Variants in TRIM66 observed in about 807,000 individuals in gnomAD.
TRIM66 encodes tripartite motif containing 66, also known as tripartite motif-containing protein 66.
In TRIM66, 99 loss-of-function variants were observed where a neutral mutation model predicts 148.2. That is an observed-to-expected ratio of 0.67 (90% confidence interval 0.57 to 0.79). The LOEUF (loss-of-function observed/expected upper bound fraction) is 0.79, where lower values mean the gene tolerates loss of function less well. TRIM66 is among the 30% of genes least tolerant of loss of function. TRIM66 has a pLI of 0.00. For synonymous variants in TRIM66, 616 were observed against 635.9 expected (o/e 0.97, Z 0.47); for missense variants, 1,666 against 1,697.9 (o/e 0.98, Z 0.33).
intron 24 of TRIM66, 87 bp downstream of exon 24, chr11:8,618,663 G>T: frequency 7.8e-7 from 1 of 1,275,114 alleles, no homozygotes. Context: ...TGCACCACCC[G>T]AACAGCTTCA....
intron 1 of TRIM66, among the ~76,000 whole-genome samples, chr11:8,681,134 AT>A (rs72232543): frequency 0.025 from 3,526 of 141,378 alleles, 74 homozygotes; most frequent in African/African-American, 0.054. Context: ...GAATTTTGGA[AT>A]TTTTTTTTTT....
chr11:8,640,442 CAGGGCCAGG>C lies in TRIM66; in HGVS notation c.1924_1932del (p.Pro642_Pro644del), dbSNP rs1437313264. 1.3e-6 allele frequency: 2 copies of C among 1,550,632 alleles called. No individual in the cohort carries two copies. The highest frequency in any genetic ancestry group is 4.9e-5 in the East Asian group (2 of 40,820). Reference sequence around the variant, plus strand: ...ATTATGTCCATGTTCTGAGAACAGGCAGGGCCAGGAGGGCTCTCGTGCTGACTAGAAGCC... The same window carrying C: ...ATTATGTCCATGTTCTGAGAACAGGCAGGGCTCTCGTGCTGACTAGAAGCC... On this transcript the variant is annotated inframe_deletion, in exon 14 of 25. Coordinates refer to ENST00000646038, the MANE Select transcript of TRIM66 (RefSeq NM_001388022.1).
chr11:8,640,560 T>C lies in TRIM66; in HGVS notation c.1815A>G (p.Pro605=). 6.5e-7 allele frequency: 1 copy of C among 1,535,858 alleles called. No homozygotes were observed. Among genetic ancestry groups the C allele is most frequent in the Non-Finnish European group, 8.8e-7 (1 of 1,138,810 alleles). The change falls in exon 14 of 25, where the codon CCA becomes CCG. Residue 605 remains proline, a synonymous_variant. Transcript: ENST00000646038. ...QQQPQQQLPP[P]PPPLPHPPPP... ...GTGGGGGATGGGGGAGGGGTGGTGG[T>C]GGAGGTGGTAGCTGCTGCTGTGGCT... is the stretch of plus-strand genomic sequence containing the variant.
At position 8,645,432 on chromosome 11, in the gene TRIM66, G is replaced by C. The variant is rs563572757; in HGVS notation, c.1104+309C>G. Among the ~76,000 whole-genome samples the C allele has an allele frequency of 6.3e-4, 96 of 152,262 alleles. 1 individual carries two copies. Among genetic ancestry groups the C allele is most frequent in the African/African-American group, 2.1e-3 (88 of 41,550 alleles). On this transcript the variant is annotated intron_variant, in intron 12 of 24. Transcript: ENST00000646038. ...ATGCCCAGCACACTGCTCATGTCCA[G>C]GGTAATGTCTGAATCAATTACCTAT...
At chr11:8,678,078 G>T (rs562706613) in intron 3 of TRIM66, 1 of 152,118 alleles carries the variant, frequency 6.6e-6, no homozygotes, top group Non-Finnish European at 1.5e-5. Context: ...AAATTGGTAC[G>T]ATCCTTTTGG....
In TRIM66 at chr11:8,645,835, A is replaced by G. The variant is rs2036797302; in HGVS notation, c.1010T>C (p.Met337Thr). ...RKLEQQLQSI[M>T]VLNRQFEHVQ... ...ATGCTCAAACTGACGGTTGAGAACC[A>G]TGATGCTCTGTAACTGCTGTTCCAG... The change falls in exon 12 of 25, where the codon ATG (methionine) becomes ACG (threonine). Residue 337 changes from methionine to threonine, a missense_variant. Physicochemically the swap from Met to Thr is moderately conservative, Grantham distance 81. Transcript: ENST00000646038. 4 of 1,551,598 alleles carry G rather than the reference A, an allele frequency of 2.6e-6. No individual in the cohort carries two copies. Among genetic ancestry groups the G allele is most frequent in the South Asian group, 1.2e-5 (1 of 84,068 alleles).
At chr11:8,641,909 G>T (rs905937716) in intron 13 of TRIM66, among the ~76,000 whole-genome samples, 1 of 152,182 alleles carries the variant, frequency 6.6e-6, no homozygotes, top group Non-Finnish European at 1.5e-5. Flanking sequence ...TGTCATGATT[G>T]TAAGTTTCCT....
At chr11:8,678,451 TC>T (rs2039280289) in intron 3 of TRIM66, among the ~76,000 whole-genome samples, 1 of 152,188 alleles carries the variant, frequency 6.6e-6, no homozygotes, top group African/African-American at 2.4e-5. Flanking sequence ...CAGCTATGTC[TC>T]CATGTATACA....
Position 8,625,036 on chromosome 11 carries a change from G to C in TRIM66, c.2503C>G (p.Gln835Glu), listed in dbSNP as rs1377660116. The change falls in exon 16 of 25, where the codon CAG becomes GAG. Residue 835 changes from glutamine (Q) to glutamate (E), a missense_variant. By Grantham distance (29) the Gln-to-Glu change is conservative. Transcript: ENST00000646038. ...MVSSLTSVQN[Q>E]AMPSLTTSHL... ...CTGGTTGTCAGGCTGGGCATGGCCT[G>C]GTTTTGAACACTTGTCAGGCTGGAC... 1 of 1,551,640 alleles carries C rather than the reference G, an allele frequency of 6.4e-7. No individual in the cohort carries two copies. The highest frequency in any genetic ancestry group is 8.7e-7 in the Non-Finnish European group (1 of 1,147,010).
chr11:8,643,059 A>C lies in TRIM66; in HGVS notation c.1172T>G (p.Ile391Ser). ...CNTDPGSPWS[I>S]RFTWEPNFWT... ...GAAGTTAGGCTCCCAGGTGAATCTG[A>C]TACTCCAAGGGGAGCCAGGATCTGT... The change falls in exon 13 of 25, where the codon ATC (isoleucine) becomes AGC (serine). Residue 391 changes from isoleucine to serine, a missense_variant. Coordinates refer to ENST00000646038, the MANE Select transcript of TRIM66 (RefSeq NM_001388022.1). 6.4e-7 allele frequency: 1 copy of C among 1,551,318 alleles called. No individual in the cohort carries two copies. Among genetic ancestry groups the C allele is most frequent in the Non-Finnish European group, 8.7e-7 (1 of 1,146,862 alleles).
intron 13 of TRIM66, 92 bp downstream of exon 13, chr11:8,642,917 C>T (rs2036527861): frequency 2.2e-6 from 1 of 458,714 alleles, no homozygotes; most frequent in South Asian, 4.0e-5. Context: ...AGAGTGCTTT[C>T]TCTTGGGCAT....
intron 1 of TRIM66, among the ~76,000 whole-genome samples, chr11:8,682,076 A>G (rs1288000736): frequency 2.0e-5 from 3 of 152,204 alleles, no homozygotes; most frequent in African/African-American, 7.2e-5. Flanking sequence ...TGTGGCATTT[A>G]GAAAAAGTAT....
intron 6 of TRIM66, among the ~76,000 whole-genome samples, chr11:8,664,956 GCTCTGCCCA>G (rs1291010389): frequency 6.6e-6 from 1 of 152,048 alleles, no homozygotes; most frequent in Non-Finnish European, 1.5e-5. Flanking sequence ...CAACTGCTCG[GCTCTGCCCA>G]GCAAGTAGGA....
At chr11:8,622,996 T>C (rs1373064610) in intron 17 of TRIM66, 120 bp from the exon 18 acceptor site, 1 of 775,304 alleles carries the variant, frequency 1.3e-6, no homozygotes, top group African/African-American at 1.9e-5. Context: ...CATACAGTAG[T>C]TACCTACACT....
At chr11:8,629,955 A>G (rs1280495035) in intron 15 of TRIM66, among the ~76,000 whole-genome samples, 1 of 152,214 alleles carries the variant, frequency 6.6e-6, no homozygotes, top group Non-Finnish European at 1.5e-5. Flanking sequence ...ACACAATGGC[A>G]TTTCTGAAAC....
intron 15 of TRIM66, among the ~76,000 whole-genome samples, chr11:8,628,844 T>C (rs1293671213): frequency 6.6e-6 from 1 of 152,102 alleles, no homozygotes; most frequent in Non-Finnish European, 1.5e-5. Flanking sequence ...CTTTCTCTTC[T>C]TTCCCTACCT....
chr11:8,666,163 C>G (rs7110529), intron 6 of TRIM66, among the ~76,000 whole-genome samples: 42,642 of 150,226 alleles, frequency 0.28, 6,546 homozygotes, highest in East Asian at 0.59. Flanking sequence ...ATGGCGAAAC[C>G]CCATCTCTAC....
rs2036801230 is a variant in TRIM66 at position 8,645,871 on chromosome 11, C to T, written c.974G>A (p.Arg325Lys). ...IEELEGITNE[R>K]KRKLEQQLQS... is the part of the protein sequence containing the mutation. ...TAACTGCTGTTCCAGCTTCCGCTTT[C>T]TCTCATTAGTAATCCCCTGGGTACA... is the stretch of plus-strand genomic sequence containing the variant. Residue 325 changes from arginine (R) to lysine (K), a missense_variant, in exon 12 of 25, where the codon AGA (arginine) becomes AAA (lysine). By Grantham distance (26) the Arg-to-Lys change is conservative (BLOSUM62 2). This residue lies in a region of TRIM66 where 1,431 missense variants were observed against 1,412.4 expected (regional missense o/e 1.01). Coordinates refer to ENST00000646038, the MANE Select transcript of TRIM66 (RefSeq NM_001388022.1). 2 of 1,551,654 alleles carry T rather than the reference C, an allele frequency of 1.3e-6. No homozygotes were observed. The highest frequency in any genetic ancestry group is 1.7e-6 in the Non-Finnish European group (2 of 1,146,964).
chr11:8,642,587 G>A (rs1165592661), intron 13 of TRIM66, among the ~76,000 whole-genome samples: 5 of 151,922 alleles, frequency 3.3e-5, no homozygotes, highest in African/African-American at 9.7e-5. Flanking sequence ...ACATGCACAC[G>A]CAGTCTCACT....
Sources: gnomAD v4.1 joint callset for allele counts (sites outside exome capture counted in the v4.1 genomes callset) on GRCh38, gnomAD v4.1.1 for gene constraint, gnomAD v4.1.1 regional missense constraint, MANE v1.5 for transcripts, NCBI Gene and HGNC (gene_info 2026-07-23, HGNC 2026-07-21) for gene names.